Variants in NTM observed in about 807,000 individuals in gnomAD.
The protein encoded by NTM is neurotrimin, also known as IgLON family member 2.
Under a neutral mutation model 42.1 loss-of-function variants are expected in NTM, and 13 were observed. The ratio of observed to expected loss-of-function variants is 0.31; its 90% CI spans 0.20 to 0.49. NTM has a LOEUF of 0.49. Ranked by LOEUF, NTM falls within the 20% of genes least tolerant of loss-of-function variation. The probability of loss-of-function intolerance (pLI) is 0.99; values close to 1 mark genes in which losing one functional copy is unlikely to be tolerated. For synonymous variants in NTM, 187 were observed against 179.2 expected (o/e 1.04, Z -0.35); for missense variants, 373 against 452.8 (o/e 0.82, Z 1.60).
At chr11:131,698,152 AG>A (rs1335351885) in intron 1 of NTM, among the ~76,000 whole-genome samples, 1 of 152,126 alleles carries the variant, frequency 6.6e-6, no homozygotes, top group Non-Finnish European at 1.5e-5. Flanking sequence ...CAACTTTTAG[AG>A]GCTCTCTAAG....
At chr11:131,614,202 A>G (rs955500370) in intron 1 of NTM, among the ~76,000 whole-genome samples, 3 of 152,140 alleles carry the variant, frequency 2.0e-5, no homozygotes, top group Non-Finnish European at 4.4e-5. Flanking sequence ...TGATGCAGAA[A>G]ACAGGCCTCT....
intron 1 of NTM, among the ~76,000 whole-genome samples, chr11:131,720,827 C>T (rs1037281528): frequency 1.3e-5 from 2 of 152,126 alleles, no homozygotes; most frequent in Admixed American, 6.6e-5. Context: ...TACCTAGCCT[C>T]TCTCTGCCTC....
chr11:132,326,593 G>A (rs578138614), intron 7 of NTM, among the ~76,000 whole-genome samples: 30 of 152,310 alleles, frequency 2.0e-4, no homozygotes, highest in East Asian at 3.9e-4. Context: ...CTGATTCTTC[G>A]GATGTGCTCA....
At chr11:131,812,718 T>C (rs949443001) in intron 1 of NTM, among the ~76,000 whole-genome samples, 4 of 152,026 alleles carry the variant, frequency 2.6e-5, no homozygotes, top group African/African-American at 9.7e-5. Flanking sequence ...GGGGAATTCA[T>C]ATCTGAACCA....
chr11:131,886,076 C>T (rs2050341585), intron 1 of NTM, among the ~76,000 whole-genome samples: 1 of 152,180 alleles, frequency 6.6e-6, no homozygotes, highest in South Asian at 2.1e-4. Flanking sequence ...CCAGCCCTGC[C>T]AACCAGTACA....
In NTM at chr11:131,915,680, C is replaced by T. The variant is rs957647341; in HGVS notation, c.167+4032C>T. On this transcript the variant is annotated intron_variant, in intron 2 of 8. Transcript: ENST00000683400. Reference sequence around the variant, plus strand: ...TAGAGAAAAAGAGGTTTAATGGACTCACAGTTCCACGTGGCTGGGGAGGCC... The same window carrying T: ...TAGAGAAAAAGAGGTTTAATGGACTTACAGTTCCACGTGGCTGGGGAGGCC... Among the ~76,000 whole-genome samples the T allele has an allele frequency of 2.0e-5, 3 of 152,162 alleles. No homozygotes were observed. In the South Asian group the frequency reaches 6.2e-4, roughly 32 times the overall value.
chr11:131,647,730 T>G (rs1275949547), intron 1 of NTM, among the ~76,000 whole-genome samples: 1 of 152,212 alleles, frequency 6.6e-6, no homozygotes, highest in Admixed American at 6.5e-5. Context: ...ATTTTTATAT[T>G]ATACCATGCT....
intron 3 of NTM, among the ~76,000 whole-genome samples, chr11:132,186,410 G>A (rs534948453): frequency 1.1e-4 from 17 of 152,288 alleles, no homozygotes; most frequent in African/African-American, 4.1e-4. Context: ...GGGAATCCCA[G>A]CCAGTCTTGG....
chr11:131,996,765 T>G (rs1019842590), intron 2 of NTM, among the ~76,000 whole-genome samples: 1 of 152,122 alleles, frequency 6.6e-6, no homozygotes. Flanking sequence ...CAGTTCGGTG[T>G]CATTGCTGCC....
At chr11:131,837,446 C>G (rs2043648917) in intron 1 of NTM, among the ~76,000 whole-genome samples, 1 of 152,096 alleles carries the variant, frequency 6.6e-6, no homozygotes, top group African/African-American at 2.4e-5. Context: ...AGAAAGTAGC[C>G]TAGTTATTGT....
chr11:132,101,556 T>TGTGTGTGTGTGTGTGTGTGTGTGTG (rs1555261897), intron 2 of NTM, among the ~76,000 whole-genome samples: 33 of 131,146 alleles, frequency 2.5e-4, no homozygotes, highest in African/African-American at 3.6e-4. Context: ...GAACACAACC[T>TGTGTGTGTGTGTGTGTGTGTGTGTG]TGTGTGTGTG....
chr11:131,822,471 C>T (rs761183536), intron 1 of NTM, among the ~76,000 whole-genome samples: 3 of 152,110 alleles, frequency 2.0e-5, no homozygotes, highest in Non-Finnish European at 4.4e-5. Context: ...ACAAATTACC[C>T]ACCTGTCAAA....
chr11:132,217,335 T>C (rs1361469721), intron 4 of NTM, among the ~76,000 whole-genome samples: 1 of 126,214 alleles, frequency 7.9e-6, no homozygotes. Flanking sequence ...CTCTTGTGCC[T>C]CTTTCTCTCT....
chr11:131,733,505 TCC>T (rs1565480776), intron 1 of NTM, among the ~76,000 whole-genome samples: 6 of 149,122 alleles, frequency 4.0e-5, no homozygotes, highest in East Asian at 1.9e-4. Flanking sequence ...CTTCCTTCCT[TCC>T]TTCCTTCCTT....
chr11:131,660,565 C>T (rs181956811), intron 1 of NTM: 40 of 457,578 alleles, frequency 8.7e-5, no homozygotes, highest in Non-Finnish European at 1.2e-4. Context: ...AGGTGAAAAG[C>T]GGCTCCTCAT....
chr11:132,259,968 C>CG (rs1016877238), intron 4 of NTM, among the ~76,000 whole-genome samples: 2 of 151,944 alleles, frequency 1.3e-5, no homozygotes, highest in African/African-American at 4.8e-5. Context: ...AGGCTGGTCT[C>CG]GAACACCTGC....
At chr11:131,619,922 A>G (rs750485833) in intron 1 of NTM, among the ~76,000 whole-genome samples, 1 of 151,074 alleles carries the variant, frequency 6.6e-6, no homozygotes, top group Non-Finnish European at 1.5e-5. Context: ...CTCCTGCCTC[A>G]GCCTCCTGAG....
chr11:131,950,792 T>C (rs9633924), intron 2 of NTM, among the ~76,000 whole-genome samples: 16,227 of 152,212 alleles, frequency 0.11, 1,267 homozygotes, highest in East Asian at 0.45. Flanking sequence ...TTCTTCTCTA[T>C]GAACCCTTCT....
At chr11:132,157,909 G>T (rs1466361358) in intron 3 of NTM, among the ~76,000 whole-genome samples, 1 of 152,156 alleles carries the variant, frequency 6.6e-6, no homozygotes, top group Non-Finnish European at 1.5e-5. Flanking sequence ...AGCACGTCCT[G>T]CTAGATTTTC....
Sources: gnomAD v4.1 joint callset for allele counts (sites outside exome capture counted in the v4.1 genomes callset) on GRCh38, gnomAD v4.1.1 for gene constraint, MANE v1.5 for transcripts, NCBI Gene and HGNC (gene_info 2026-07-23, HGNC 2026-07-21) for gene names.